The following GLDC variants were observed in gnomAD, a reference collection of about 807,000 sequenced individuals.
GLDC encodes the protein glycine decarboxylase, also known as glycine dehydrogenase (decarboxylating), mitochondrial.
GLDC carries 104 observed loss-of-function variants against 121.3 expected under a neutral mutation model. The observed-to-expected ratio is 0.86, with a 90% CI of 0.73 to 1.01. The LOEUF is 1.01. Ranked by LOEUF, GLDC falls within the 50% of genes least tolerant of loss-of-function variation. The pLI is 0.00. For missense variants in GLDC, 1,429 were observed against 1,306.6 expected (o/e 1.09, Z -1.44); for synonymous variants, 546 against 480.6 (o/e 1.14, Z -1.78).
At position 6,592,960 on chromosome 9, in the gene GLDC, T is replaced by C. The variant is rs1471796607; in HGVS notation, c.1292A>G (p.His431Arg). ...CTTCAAGGTATCAAAGAACAGGTCA[T>C]GCTGGAGTTGATGCCCTGCTCGCTT... Reference protein sequence around the residue: ...GLKRAGHQLQHDLFFDTLKIQ... With the variant: ...GLKRAGHQLQRDLFFDTLKIQ... The change falls in exon 10 of 25, where the codon CAT becomes CGT. Residue 431 changes from histidine (H) to arginine (R), a missense_variant. His to Arg is a conservative substitution (Grantham distance 29). Transcript: ENST00000321612. The C allele has an allele frequency of 6.2e-7, 1 of 1,614,156 alleles. No homozygotes were observed. Among genetic ancestry groups the C allele is most frequent in the Admixed American group, 1.7e-5 (1 of 60,016 alleles).
At chr9:6,636,425 A>C (rs2130001005) in intron 2 of GLDC, among the ~76,000 whole-genome samples, 1 of 152,300 alleles carries the variant, frequency 6.6e-6, no homozygotes, top group African/African-American at 2.4e-5. Flanking sequence ...CAGTGGGTTT[A>C]ATGGGAAATC....
At chr9:6,600,831 C>G (rs1818594352) in intron 8 of GLDC, among the ~76,000 whole-genome samples, 2 of 152,178 alleles carry the variant, frequency 1.3e-5, no homozygotes, top group Admixed American at 6.5e-5. Context: ...AACCCAGAAC[C>G]CTGGTCAGAA....
chr9:6,605,351 A>C, intron 5 of GLDC, 73 bp from the exon 6 acceptor site: 1 of 1,493,540 alleles, frequency 6.7e-7, no homozygotes, highest in East Asian at 2.3e-5. Context: ...TTTCTTTTCC[A>C]GTAAGACAGC....
chr9:6,547,646 A>C (rs1198655132), intron 21 of GLDC, among the ~76,000 whole-genome samples: 1 of 152,152 alleles, frequency 6.6e-6, no homozygotes, highest in Non-Finnish European at 1.5e-5. Context: ...TTATCAGGCA[A>C]AATTCTTTAA....
At chr9:6,627,644 C>T (rs1019955057) in intron 2 of GLDC, among the ~76,000 whole-genome samples, 4 of 152,108 alleles carry the variant, frequency 2.6e-5, no homozygotes, top group South Asian at 2.1e-4. Context: ...TCCCTAGTCA[C>T]GCTTCTTTCC....
intron 15 of GLDC, among the ~76,000 whole-genome samples, chr9:6,578,293 A>T (rs1471598822): frequency 6.6e-6 from 1 of 150,430 alleles, no homozygotes; most frequent in Non-Finnish European, 1.5e-5. Context: ...CTAATTTTTT[A>T]ATTTGTACAA....
Position 6,533,594 on chromosome 9 carries a change from C to T in GLDC, c.2920-434G>A, listed in dbSNP as rs536353316. Among the ~76,000 whole-genome samples the T allele has an allele frequency of 8.3e-4, 126 of 151,722 alleles. 1 individual carries two copies. Among genetic ancestry groups the T allele is most frequent in the African/African-American group, 2.9e-3 (119 of 41,368 alleles). On this transcript the variant is annotated intron_variant, in intron 24 of 24. Transcript: ENST00000321612. ...AATTTCTCGGCTGGGCGCAGTGGCTCGTGCCTTTAATCCCAGAACTTTGGG... is the reference window on the plus strand; with the variant it reads ...AATTTCTCGGCTGGGCGCAGTGGCTTGTGCCTTTAATCCCAGAACTTTGGG...
intron 7 of GLDC, among the ~76,000 whole-genome samples, chr9:6,603,158 G>A (rs998827576): frequency 2.0e-5 from 3 of 151,876 alleles, no homozygotes; most frequent in African/African-American, 7.3e-5. Context: ...AACCTGGGAG[G>A]CAGAGGTTGC....
Position 6,641,987 on chromosome 9 carries a change from G to C in GLDC, c.334+2627C>G, listed in dbSNP as rs114830779. On this transcript the variant is annotated intron_variant, in intron 2 of 24. Coordinates refer to ENST00000321612, the MANE Select transcript of GLDC (RefSeq NM_000170.3). ...TACCAGAGCTTACATGCACCAATTT[G>C]CTCTCCCCACCTGGAGAATATTCAT... Among the ~76,000 whole-genome samples, 561 of 152,250 alleles carry C rather than the reference G, an allele frequency of 3.7e-3. 4 individuals are homozygous for C. The highest frequency in any genetic ancestry group is 0.012 in the African/African-American group (517 of 41,526).
chr9:6,645,144 G>T, intron 1 of GLDC, 101 bp downstream of exon 1: 1 of 1,232,362 alleles, frequency 8.1e-7, no homozygotes, highest in Non-Finnish European at 1.1e-6. Flanking sequence ...CGGGGACCAC[G>T]CGGAGCGCAG....
chr9:6,532,727 C>G lies in GLDC; in HGVS notation c.*290G>C, dbSNP rs1246300642. On this transcript the variant is annotated 3_prime_UTR_variant, in exon 25 of 25. Transcript: ENST00000321612. ...GCCTCTATGACATCTGCAAACTTGC[C>G]ACATTAAAAGTTAAAGTTCCTAAAA... 4.9e-6 allele frequency: 2 copies of G among 404,402 alleles called. No individual in the cohort carries two copies. The highest frequency in any genetic ancestry group is 4.6e-6 in the Non-Finnish European group (1 of 215,568). The allele number at this position is 404,402 out of a possible 1,614,324, so 25.1% of individuals were successfully genotyped here.
intron 15 of GLDC, among the ~76,000 whole-genome samples, chr9:6,579,132 T>C (rs1818128167): frequency 6.6e-6 from 1 of 152,196 alleles, no homozygotes; most frequent in South Asian, 2.1e-4. Flanking sequence ...TCATTTCTTA[T>C]TTGTATATAT....
intron 15 of GLDC, among the ~76,000 whole-genome samples, chr9:6,581,307 T>C (rs1818167075): frequency 6.6e-6 from 1 of 152,210 alleles, no homozygotes; most frequent in Non-Finnish European, 1.5e-5. Context: ...TAGGATCCCA[T>C]ACAGTGATGG....
rs183346553 is a variant in GLDC at position 6,550,668 on chromosome 9, A to T, written c.2569+135T>A. ...AATAAAATAAACCCGAGTTATTTCC[A>T]AGAACTCTACACTATTTTCTGATAT... On this transcript the variant is annotated intron_variant, in intron 21 of 24. Transcript: ENST00000321612. 1.9e-4 allele frequency: 139 copies of T among 727,512 alleles called. 1 individual carries two copies. Among genetic ancestry groups the T allele is most frequent in the South Asian group, 9.1e-4 (61 of 67,336 alleles). The allele number at this position is 727,512 out of a possible 1,614,324, so 45.1% of individuals were successfully genotyped here.
intron 4 of GLDC, among the ~76,000 whole-genome samples, chr9:6,609,401 G>A (rs2129913463): frequency 6.6e-6 from 1 of 152,154 alleles, no homozygotes. Context: ...GATAATAGAA[G>A]TCCTACTCTA....
intron 21 of GLDC, among the ~76,000 whole-genome samples, chr9:6,547,344 C>G (rs1202219141): frequency 6.6e-6 from 1 of 152,126 alleles, no homozygotes; most frequent in Non-Finnish European, 1.5e-5. Flanking sequence ...CCTGGATGGA[C>G]AAGGCTGGCA....
chr9:6,593,130 A>T, intron 9 of GLDC, 140 bp from the exon 10 acceptor site: 1 of 782,438 alleles, frequency 1.3e-6, no homozygotes, highest in Non-Finnish European at 2.2e-6. Context: ...GCTTTTTAAA[A>T]AACTAAACAT....
chr9:6,609,100 T>C (rs749324058), intron 4 of GLDC, among the ~76,000 whole-genome samples: 12 of 152,164 alleles, frequency 7.9e-5, no homozygotes, highest in Non-Finnish European at 1.6e-4. Flanking sequence ...GGCCAGCATG[T>C]GTGCGTCTTT....
chr9:6,591,645 C>T (rs984380023), intron 11 of GLDC, among the ~76,000 whole-genome samples: 2 of 151,990 alleles, frequency 1.3e-5, no homozygotes, highest in Non-Finnish European at 2.9e-5. Context: ...AGTGCAATGG[C>T]GCAATCTCAG....
Sources: gnomAD v4.1 joint callset for allele counts (sites outside exome capture counted in the v4.1 genomes callset) on GRCh38, gnomAD v4.1.1 for gene constraint, MANE v1.5 for transcripts, NCBI Gene and HGNC (gene_info 2026-07-23, HGNC 2026-07-21) for gene names.